Variants in EML6 observed in about 807,000 individuals in gnomAD.
EML6 encodes EMAP like 6.
In EML6, 154 loss-of-function variants were observed where a neutral mutation model predicts 240.1. The ratio of observed to expected loss-of-function variants is 0.64; its 90% CI spans 0.56 to 0.73. EML6 has a LOEUF of 0.73. Among genes scored for constraint, EML6 ranks in the 30% least tolerant of loss-of-function variants. EML6 has a pLI of 0.00. For synonymous variants in EML6, 1,148 were observed against 899.0 expected, an observed-to-expected ratio of 1.28 and a Z score of -4.95; for missense variants, 2,964 against 2,474.6, an observed-to-expected ratio of 1.20 and a Z score of -4.20.
rs761877251 is a variant in EML6 at position 54,928,404 on chromosome 2, T to C, written c.3767T>C (p.Val1256Ala). Residue 1256 changes from valine to alanine, a missense_variant, in exon 27 of 42, where the codon GTG (valine) becomes GCG (alanine). Val to Ala is a moderately conservative substitution (Grantham distance 64, BLOSUM62 0). Transcript: ENST00000356458. ...WLHNDSVLLT[V>A]GGADTALMIW... is the part of the protein sequence containing the mutation. ...CACAATGACTCTGTGCTGCTCACGGTGGGCGGCGCCGACACAGCCCTGATG... is the reference window on the plus strand; with the variant it reads ...CACAATGACTCTGTGCTGCTCACGGCGGGCGGCGCCGACACAGCCCTGATG... 1.2e-4 allele frequency: 181 copies of C among 1,551,458 alleles called. No homozygotes were observed. The highest frequency in any genetic ancestry group is 3.5e-6 in the Non-Finnish European group (4 of 1,146,944).
At chr2:54,802,076 G>T (rs1258111599) in intron 2 of EML6, among the ~76,000 whole-genome samples, 1 of 152,070 alleles carries the variant, frequency 6.6e-6, no homozygotes, top group Non-Finnish European at 1.5e-5. Context: ...ATTTATAAAA[G>T]TGTCCATTAT....
intron 7 of EML6, among the ~76,000 whole-genome samples, chr2:54,830,255 G>C (rs1471206754): frequency 1.3e-5 from 2 of 152,150 alleles, no homozygotes; most frequent in African/African-American, 2.4e-5. Flanking sequence ...GGTAAGACAA[G>C]AGGAAGTCAT....
chr2:54,782,480 C>G (rs1270866321), intron 2 of EML6, among the ~76,000 whole-genome samples: 2 of 152,132 alleles, frequency 1.3e-5, no homozygotes, highest in East Asian at 3.8e-4. Context: ...GAATCAAATT[C>G]AGGCCTTGCT....
intron 24 of EML6, among the ~76,000 whole-genome samples, chr2:54,910,484 T>C (rs969243015): frequency 3.9e-5 from 6 of 152,382 alleles, no homozygotes; most frequent in African/African-American, 1.4e-4. Context: ...TGTGTTCTGT[T>C]TCTAAACTTT....
chr2:54,818,675 A>G (rs1668188553), intron 4 of EML6, among the ~76,000 whole-genome samples: 1 of 152,222 alleles, frequency 6.6e-6, no homozygotes, highest in African/African-American at 2.4e-5. Flanking sequence ...TGTATGTTTC[A>G]GTGACTGTGC....
At chr2:54,871,150 C>G (rs533160360) in intron 15 of EML6, among the ~76,000 whole-genome samples, 13 of 152,288 alleles carry the variant, frequency 8.5e-5, no homozygotes, top group African/African-American at 2.9e-4. Context: ...CAAGTGACTT[C>G]CCTGACTGAG....
rs978251637 is a variant in EML6 at position 54,959,113 on chromosome 2, A to T, written c.4705A>T (p.Thr1569Ser). The T allele has an allele frequency of 6.4e-7, 1 of 1,550,512 alleles. No individual in the cohort carries two copies. The change falls in exon 34 of 42, where the codon ACT becomes TCT. Residue 1569 changes from threonine to serine, a missense_variant. Coordinates refer to ENST00000356458, the MANE Select transcript of EML6 (RefSeq NM_001039753.4). ...GTTGTTTTGTTTACAGAACAATCTC[A>T]CTTTCACGGGTGCCATCAATGGAGA... Reference protein sequence around the residue: ...LSVAFGANNLTFTGAINGDVY... With the variant: ...LSVAFGANNLSFTGAINGDVY...
chr2:54,760,902 A>G (rs1443779227), intron 2 of EML6, among the ~76,000 whole-genome samples: 3 of 151,006 alleles, frequency 2.0e-5, no homozygotes, highest in Non-Finnish European at 4.4e-5. Flanking sequence ...TGTCTGGGAA[A>G]TACAAACCTC....
intron 2 of EML6, among the ~76,000 whole-genome samples, chr2:54,797,028 A>G (rs1009958491): frequency 1.3e-5 from 2 of 151,746 alleles, no homozygotes; most frequent in Non-Finnish European, 2.9e-5. Context: ...AGCGGGGCCT[A>G]GTGGTAGGTA....
At chr2:54,880,080 C>G (rs1671734869) in intron 17 of EML6, 2 of 154,322 alleles carry the variant, frequency 1.3e-5, no homozygotes, top group Non-Finnish European at 1.4e-5. Context: ...TGTGCATCTG[C>G]CACTTGCTTT....
intron 12 of EML6, among the ~76,000 whole-genome samples, chr2:54,863,016 C>T (rs1408884082): frequency 6.6e-6 from 1 of 152,128 alleles, no homozygotes; most frequent in Non-Finnish European, 1.5e-5. Context: ...CGGTTGGGGC[C>T]TATGTGTTCC....
intron 16 of EML6, 93 bp downstream of exon 16, chr2:54,871,698 T>A: frequency 2.2e-6 from 2 of 896,812 alleles, no homozygotes; most frequent in Non-Finnish European, 3.6e-6. Flanking sequence ...CGCGTGTGTG[T>A]GTATTTAAAC....
intron 2 of EML6, among the ~76,000 whole-genome samples, chr2:54,812,926 C>T (rs753231097): frequency 1.3e-5 from 2 of 152,070 alleles, no homozygotes; most frequent in Admixed American, 6.5e-5. Flanking sequence ...TTAAATTTCA[C>T]AACATAAAGC....
At position 54,968,266 on chromosome 2, in the gene EML6, A is replaced by T. The variant is rs894900521; in HGVS notation, c.5736A>T (p.Pro1912=). The T allele has an allele frequency of 6.4e-7, 1 of 1,551,616 alleles. No homozygotes were observed. The highest frequency in any genetic ancestry group is 8.7e-7 in the Non-Finnish European group (1 of 1,147,018). ...DFGLVKLFDF[P]CTEKFAKHKR... The stretch of plus-strand genomic sequence containing the variant: ...GGCTGGTGAAGCTCTTTGATTTTCC[A>T]TGCACAGAAAAATTTGTGAGTGTTC... Residue 1912 remains proline (P), a synonymous_variant, in exon 40 of 42, where the codon CCA becomes CCT. Transcript: ENST00000356458.
chr2:54,729,863 C>A (rs1683077912), intron 2 of EML6, among the ~76,000 whole-genome samples: 1 of 152,098 alleles, frequency 6.6e-6, no homozygotes, highest in Non-Finnish European at 1.5e-5. Flanking sequence ...TAGAAACATC[C>A]CCAGCTCGGC....
chr2:54,961,184 G>GTTGTTTTTTTTTTTTTTGTT, intron 35 of EML6, among the ~76,000 whole-genome samples: 1 of 55,424 alleles, frequency 1.8e-5, no homozygotes, highest in South Asian at 6.9e-4. Flanking sequence ...TCAGGAAGTA[G>GTTGTTTTTTTTTTTTTTGTT]TTTTTTTTTT....
chr2:54,812,495 C>G (rs1667898723), intron 2 of EML6, among the ~76,000 whole-genome samples: 1 of 149,844 alleles, frequency 6.7e-6, no homozygotes. Flanking sequence ...GACACAACGC[C>G]TATACACAAT....
intron 25 of EML6, among the ~76,000 whole-genome samples, chr2:54,912,429 T>G (rs1673690926): frequency 1.3e-5 from 2 of 152,248 alleles, no homozygotes; most frequent in Non-Finnish European, 2.9e-5. Context: ...GCTTTGATTT[T>G]AGATTCGGGG....
At chr2:54,748,097 T>TAATAAACAA (rs1226205432) in intron 2 of EML6, among the ~76,000 whole-genome samples, 2 of 152,176 alleles carry the variant, frequency 1.3e-5, no homozygotes, top group Non-Finnish European at 2.9e-5. Flanking sequence ...GGTAAAATTG[T>TAATAAACAA]TTATTAATTC....
Sources: allele counts gnomAD v4.1 joint callset (sites outside exome capture counted in the v4.1 genomes callset), GRCh38; gene constraint gnomAD v4.1.1; transcripts MANE v1.5; gene names NCBI Gene and HGNC (gene_info 2026-07-23, HGNC 2026-07-21).